The following HS3ST5 variants were observed in gnomAD, a reference collection of about 807,000 sequenced individuals.
The protein encoded by HS3ST5 is heparan sulfate glucosamine 3-O-sulfotransferase 5.
HS3ST5 carries 10 observed loss-of-function variants against 25.4 expected under a neutral mutation model. The ratio of observed to expected loss-of-function variants is 0.39; its 90% CI spans 0.24 to 0.67. HS3ST5 has a LOEUF of 0.67. HS3ST5 is among the 30% of genes least tolerant of loss of function. The pLI is 0.44. For missense variants in HS3ST5, 324 were observed against 420.7 expected, an observed-to-expected ratio of 0.77 and a Z score of 2.01; for synonymous variants, 170 against 162.4, an observed-to-expected ratio of 1.05 and a Z score of -0.36.
intron 1 of HS3ST5, among the ~76,000 whole-genome samples, chr6:114,248,148 C>G (rs113217186): frequency 1.6e-4 from 24 of 149,788 alleles, no homozygotes; most frequent in African/African-American, 5.6e-4. Context: ...TTGCAGTGAG[C>G]TGAGATGGTG....
chr6:114,070,928 C>G (rs1582564124), intron 3 of HS3ST5, among the ~76,000 whole-genome samples: 1 of 152,144 alleles, frequency 6.6e-6, no homozygotes, highest in East Asian at 1.9e-4. Flanking sequence ...AGTTTTGTTC[C>G]TTCCTCAATT....
intron 1 of HS3ST5, among the ~76,000 whole-genome samples, chr6:114,333,187 G>A (rs1476783915): frequency 6.6e-6 from 1 of 152,176 alleles, no homozygotes; most frequent in African/African-American, 2.4e-5. Context: ...TGGTGAGATA[G>A]GTAGTGTTCA....
chr6:114,074,521 G>A (rs968914449), intron 3 of HS3ST5, among the ~76,000 whole-genome samples: 2 of 151,984 alleles, frequency 1.3e-5, no homozygotes, highest in African/African-American at 2.4e-5. Context: ...AAAAAGAAGG[G>A]GGCCTACCCC....
intron 2 of HS3ST5, among the ~76,000 whole-genome samples, chr6:114,204,510 C>A (rs541602054): frequency 6.6e-6 from 1 of 152,098 alleles, no homozygotes; most frequent in African/African-American, 2.4e-5. Flanking sequence ...ACATCTCTGA[C>A]GAATTTTTAG....
chr6:114,074,788 T>TA (rs573403295), intron 3 of HS3ST5, among the ~76,000 whole-genome samples: 257 of 152,220 alleles, frequency 1.7e-3, no homozygotes, highest in African/African-American at 6.1e-3. Flanking sequence ...GGAAACTTTA[T>TA]AAATATTTAA....
intron 1 of HS3ST5, among the ~76,000 whole-genome samples, chr6:114,254,083 A>G (rs1772788300): frequency 6.6e-6 from 1 of 152,156 alleles, no homozygotes; most frequent in Admixed American, 6.5e-5. Context: ...AAATAAGAGA[A>G]AGGAGAGAGG....
At chr6:114,175,330 C>T (rs1779675330) in intron 2 of HS3ST5, among the ~76,000 whole-genome samples, 1 of 152,092 alleles carries the variant, frequency 6.6e-6, no homozygotes, top group Admixed American at 6.6e-5. Context: ...TAATAAAGAA[C>T]TGGAATAATC....
chr6:114,151,152 C>T (rs1454567137), intron 3 of HS3ST5, among the ~76,000 whole-genome samples: 1 of 152,158 alleles, frequency 6.6e-6, no homozygotes. Flanking sequence ...ACAAATTAAT[C>T]ATGTTGAGTT....
chr6:114,149,209 G>T (rs1778327819), intron 3 of HS3ST5, among the ~76,000 whole-genome samples: 1 of 152,208 alleles, frequency 6.6e-6, no homozygotes. Context: ...AATACCATTT[G>T]ACTCAGCAAT....
rs527338190 is a variant in HS3ST5, at chr6:114,310,827, A to G, written c.-339+31368T>C. Among the ~76,000 whole-genome samples, 16 of 152,284 alleles carry G rather than the reference A, an allele frequency of 1.1e-4. No homozygotes were observed. The South Asian group carries it at 3.3e-3, about 32-fold the overall frequency. The stretch of plus-strand genomic sequence containing the variant: ...CGATTTTCAATGATAGAAATGTGTA[A>G]CAGAATATTCCATCTACTTTCACAT... On this transcript the variant is annotated intron_variant, in intron 1 of 4. Coordinates refer to ENST00000312719, the MANE Select transcript of HS3ST5 (RefSeq NM_153612.4).
intron 2 of HS3ST5, among the ~76,000 whole-genome samples, chr6:114,221,010 G>A (rs373106892): frequency 6.6e-6 from 1 of 151,984 alleles, no homozygotes; most frequent in South Asian, 2.1e-4. Flanking sequence ...ACTAGGTTGG[G>A]ATTTAAAAGA....
intron 2 of HS3ST5, among the ~76,000 whole-genome samples, chr6:114,206,102 G>A (rs982970456): frequency 6.6e-6 from 1 of 152,112 alleles, no homozygotes; most frequent in African/African-American, 2.4e-5. Context: ...ATTAACAGAC[G>A]AAAAGACACC....
In HS3ST5 at chr6:114,056,584, A is replaced by ATATACATTAT. The variant is rs1287484110; in HGVS notation, c.*663_*672dup. On this transcript the variant is annotated 3_prime_UTR_variant, in exon 5 of 5. Coordinates refer to ENST00000312719, the MANE Select transcript of HS3ST5 (RefSeq NM_153612.4). ...TAGTGTGAAACCAGTATTTACAACA[A>ATATACATTAT]TATACATTATGTACATGACATTTCT... 1.3e-5 allele frequency: 2 copies of ATATACATTAT among 152,206 alleles called. No homozygotes were observed. Among genetic ancestry groups the ATATACATTAT allele is most frequent in the Non-Finnish European group, 2.9e-5 (2 of 68,046 alleles). The allele number at this position is 152,206 out of a possible 1,614,324, so 9.4% of individuals were successfully genotyped here. A position where few individuals can be genotyped will look rare whatever the true frequency, so the allele number is the denominator to read the frequency against.
At chr6:114,156,550 T>A (rs1778706396) in intron 3 of HS3ST5, among the ~76,000 whole-genome samples, 1 of 152,244 alleles carries the variant, frequency 6.6e-6, no homozygotes, top group South Asian at 2.1e-4. Context: ...TGGAATTTCA[T>A]CAACTTTTAG....
intron 1 of HS3ST5, among the ~76,000 whole-genome samples, chr6:114,244,086 G>C (rs1772269036): frequency 6.6e-6 from 1 of 152,214 alleles, no homozygotes; most frequent in Admixed American, 6.5e-5. Context: ...CTCAGATAAA[G>C]TGAGGTTATA....
intron 3 of HS3ST5, among the ~76,000 whole-genome samples, chr6:114,112,076 C>A (rs1324717961): frequency 1.3e-5 from 2 of 152,172 alleles, no homozygotes; most frequent in African/African-American, 4.8e-5. Flanking sequence ...TTTCCATTCT[C>A]TTCATTTGGC....
intron 3 of HS3ST5, among the ~76,000 whole-genome samples, chr6:114,158,687 G>A (rs763421412): frequency 3.9e-5 from 6 of 152,138 alleles, no homozygotes; most frequent in Non-Finnish European, 8.8e-5. Context: ...AATGTATTGA[G>A]GACTTGTTCT....
At chr6:114,152,874 A>AT (rs1778524844) in intron 3 of HS3ST5, among the ~76,000 whole-genome samples, 1 of 152,118 alleles carries the variant, frequency 6.6e-6, no homozygotes, top group South Asian at 2.1e-4. Flanking sequence ...GTGATTCCAA[A>AT]TCTTCCTTAT....
At chr6:114,148,347 A>G (rs1964777) in intron 3 of HS3ST5, among the ~76,000 whole-genome samples, 53,507 of 152,122 alleles carry the variant, frequency 0.35, 9,913 homozygotes, top group East Asian at 0.61. Context: ...GGCCAGGCAC[A>G]GTGGCTTATG....
Sources: gnomAD v4.1 joint callset for allele counts (sites outside exome capture counted in the v4.1 genomes callset) on GRCh38, gnomAD v4.1.1 for gene constraint, MANE v1.5 for transcripts, NCBI Gene and HGNC (gene_info 2026-07-23, HGNC 2026-07-21) for gene names.